The following NME7 variants were observed in gnomAD, a reference collection of about 807,000 sequenced individuals.
NME7 encodes the protein nucleoside diphosphate kinase 7.
NME7 carries 41 observed loss-of-function variants against 49.1 expected under a neutral mutation model. The ratio of observed to expected loss-of-function variants is 0.83; its 90% CI spans 0.65 to 1.08. NME7 has a LOEUF of 1.08. NME7 is among the 50% of genes least tolerant of loss of function. The pLI is 0.00. For missense variants in NME7, 423 were observed against 463.4 expected (o/e 0.91, Z 0.80); for synonymous variants, 139 against 150.6 (o/e 0.92, Z 0.56).
chr1:169,164,817 T>C (rs1659361677), intron 11 of NME7, among the ~76,000 whole-genome samples: 1 of 152,228 alleles, frequency 6.6e-6, no homozygotes, highest in African/African-American at 2.4e-5. Context: ...AGAAGTAGAA[T>C]TCTGGGACAA....
chr1:169,251,072 T>C (rs976023269), intron 7 of NME7, among the ~76,000 whole-genome samples: 1 of 152,112 alleles, frequency 6.6e-6, no homozygotes, highest in African/African-American at 2.4e-5. Flanking sequence ...GTCGGTGGAC[T>C]GTTGCAGTCT....
At chr1:169,245,253 C>T (rs902259928) in intron 7 of NME7, among the ~76,000 whole-genome samples, 2 of 152,124 alleles carry the variant, frequency 1.3e-5, no homozygotes, top group African/African-American at 4.8e-5. Flanking sequence ...TGAAAAATAT[C>T]GTTACCATGA....
intron 7 of NME7, among the ~76,000 whole-genome samples, chr1:169,243,728 A>G (rs1648184904): frequency 6.6e-6 from 1 of 152,174 alleles, no homozygotes; most frequent in South Asian, 2.1e-4. Flanking sequence ...CTGATCTTGG[A>G]CTTCCCACTA....
intron 7 of NME7, among the ~76,000 whole-genome samples, chr1:169,279,519 G>A (rs924421271): frequency 3.3e-5 from 5 of 152,180 alleles, no homozygotes; most frequent in Admixed American, 6.5e-5. Context: ...CTTCTGGTGC[G>A]CCATTTCCTA....
Position 169,234,381 on chromosome 1 carries a change from G to C in NME7, c.888+750C>G, listed in dbSNP as rs13374140. Among the ~76,000 whole-genome samples the C allele has an allele frequency of 6.0e-3, 914 of 152,220 alleles. 13 individuals are homozygous for C. The highest frequency in any genetic ancestry group is 0.021 in the African/African-American group (879 of 41,522). On this transcript the variant is annotated intron_variant, in intron 9 of 11. Coordinates refer to ENST00000367811, the MANE Select transcript of NME7 (RefSeq NM_013330.5). ...ATAATAAGTGTGGATCATAGTAACA[G>C]CATGAGATAGGAATTATCACCTTTT...
chr1:169,225,792 A>G (rs942814138), intron 10 of NME7, among the ~76,000 whole-genome samples: 2 of 152,140 alleles, frequency 1.3e-5, no homozygotes, highest in African/African-American at 2.4e-5. Context: ...CCTTCCAGCT[A>G]TAAGAACTGG....
intron 10 of NME7, among the ~76,000 whole-genome samples, chr1:169,174,737 A>G (rs947032053): frequency 2.6e-5 from 4 of 152,214 alleles, no homozygotes; most frequent in Non-Finnish European, 4.4e-5. Context: ...CAGAAAAGGT[A>G]CAGTAAAAAT....
chr1:169,262,385 T>C (rs1317096827), intron 7 of NME7, among the ~76,000 whole-genome samples: 1 of 134,522 alleles, frequency 7.4e-6, no homozygotes, highest in Non-Finnish European at 1.7e-5. Flanking sequence ...TTTTTCCCTT[T>C]TTCTTTTTAG....
intron 10 of NME7, among the ~76,000 whole-genome samples, chr1:169,221,685 A>T (rs1299457865): frequency 1.3e-5 from 2 of 151,442 alleles, no homozygotes; most frequent in Non-Finnish European, 2.9e-5. Context: ...AAATATATTT[A>T]TATATATTTA....
In NME7 at chr1:169,230,835, T is replaced by C. The variant is rs763232176; in HGVS notation, c.889-16A>G. 4.7e-6 allele frequency: 7 copies of C among 1,495,514 alleles called. No homozygotes were observed. The highest frequency in any genetic ancestry group is 6.3e-6 in the Non-Finnish European group (7 of 1,105,120). 92.6% of individuals were successfully genotyped at this position (1,495,514 alleles called of 1,614,324 possible). ...TCACCATGTCCTATGATATGTAATA[T>C]AAAAGAATGAAAAGAATTTAACAAT... is the stretch of plus-strand genomic sequence containing the variant. On this transcript the variant is annotated splice_polypyrimidine_tract_variant and intron_variant, in intron 9 of 11. Coordinates refer to ENST00000367811, the MANE Select transcript of NME7 (RefSeq NM_013330.5).
chr1:169,162,250 C>T (rs1659271034), intron 11 of NME7, among the ~76,000 whole-genome samples: 1 of 152,174 alleles, frequency 6.6e-6, no homozygotes, highest in African/African-American at 2.4e-5. Context: ...AACTTCAATA[C>T]CACAGTCTTG....
At chr1:169,315,382 G>A (rs760543371) in intron 3 of NME7, among the ~76,000 whole-genome samples, 33 of 151,254 alleles carry the variant, frequency 2.2e-4, no homozygotes, top group Non-Finnish European at 3.7e-4. Context: ...CTCCCACTCA[G>A]CCTCCCAAGC....
intron 11 of NME7, among the ~76,000 whole-genome samples, chr1:169,139,099 C>T (rs1658517418): frequency 6.6e-6 from 1 of 152,188 alleles, no homozygotes; most frequent in Non-Finnish European, 1.5e-5. Context: ...AAGGTATTCT[C>T]TGAGAGTTTT....
At chr1:169,181,442 C>G (rs867629415) in intron 10 of NME7, among the ~76,000 whole-genome samples, 73 of 151,896 alleles carry the variant, frequency 4.8e-4, no homozygotes, top group African/African-American at 1.6e-3. Context: ...CCTTTCCATT[C>G]AGTGCCAAAG....
intron 1 of NME7, among the ~76,000 whole-genome samples, chr1:169,331,359 T>C (rs923244304): frequency 6.6e-6 from 1 of 152,114 alleles, no homozygotes; most frequent in African/African-American, 2.4e-5. Context: ...GACCCACAGC[T>C]AGTATCATAC....
At chr1:169,219,831 C>A (rs1283699587) in intron 10 of NME7, among the ~76,000 whole-genome samples, 1 of 152,032 alleles carries the variant, frequency 6.6e-6, no homozygotes, top group Non-Finnish European at 1.5e-5. Flanking sequence ...TTAATAAATG[C>A]CTGAATTTAT....
chr1:169,335,799 T>C (rs1019825398), intron 1 of NME7, among the ~76,000 whole-genome samples: 3 of 148,360 alleles, frequency 2.0e-5, no homozygotes, highest in African/African-American at 4.9e-5. Context: ...GATATATATA[T>C]ATACATATAT....
intron 7 of NME7, among the ~76,000 whole-genome samples, chr1:169,250,519 T>A (rs181955453): frequency 2.0e-5 from 3 of 152,180 alleles, no homozygotes. Context: ...TCTGCTAGCT[T>A]TGGGTTTAGT....
chr1:169,293,301 C>CA (rs200283897), intron 6 of NME7, among the ~76,000 whole-genome samples: 1,671 of 108,600 alleles, frequency 0.015, 19 homozygotes, highest in Non-Finnish European at 0.025. Context: ...CTCTTGTCTC[C>CA]AAAAAAAAAA....
Sources: gnomAD v4.1 joint callset for allele counts (sites outside exome capture counted in the v4.1 genomes callset) on GRCh38, gnomAD v4.1.1 for gene constraint, MANE v1.5 for transcripts, NCBI Gene and HGNC (gene_info 2026-07-23, HGNC 2026-07-21) for gene names.